KIAA0825: variants seen among roughly 807,000 people sequenced by gnomAD.
KIAA0825 encodes the protein KIAA0825.
In KIAA0825, 119 loss-of-function variants were observed where a neutral mutation model predicts 147.6. The ratio of observed to expected loss-of-function variants is 0.81; its 90% confidence interval spans 0.69 to 0.94. The LOEUF (loss-of-function observed/expected upper bound fraction) is 0.94, where lower values mean the gene tolerates loss of function less well. KIAA0825 is among the 40% of genes least tolerant of loss of function. The probability of loss-of-function intolerance (pLI) is 0.00; values close to 1 mark genes in which losing one functional copy is unlikely to be tolerated. For synonymous variants in KIAA0825, 470 were observed against 518.1 expected (o/e 0.91, Z 1.26); for missense variants, 1,381 against 1,472.7 (o/e 0.94, Z 1.02).
chr5:94,204,609 G>C (rs1771984403), intron 20 of KIAA0825, among the ~76,000 whole-genome samples: 1 of 152,158 alleles, frequency 6.6e-6, no homozygotes, highest in Non-Finnish European at 1.5e-5. Context: ...GTGCCACTGT[G>C]AGCATCTTGC....
chr5:94,165,043 C>G (rs1767909632), intron 20 of KIAA0825, among the ~76,000 whole-genome samples: 2 of 152,112 alleles, frequency 1.3e-5, no homozygotes, highest in South Asian at 4.1e-4. Context: ...TTCTGGACAG[C>G]AAAGGATACA....
intron 20 of KIAA0825, among the ~76,000 whole-genome samples, chr5:94,176,370 A>T (rs1240937222): frequency 6.6e-6 from 1 of 152,158 alleles, no homozygotes; most frequent in Non-Finnish European, 1.5e-5. Context: ...ACCTTCTAGC[A>T]AGAAGAATTA....
chr5:94,446,632 C>G (rs1411466216), intron 13 of KIAA0825, among the ~76,000 whole-genome samples: 1 of 152,166 alleles, frequency 6.6e-6, no homozygotes, highest in Non-Finnish European at 1.5e-5. Context: ...CACAGAGTAG[C>G]AGGTATCAGA....
At position 94,498,636 on chromosome 5, in the gene KIAA0825, G is replaced by T. The variant is rs147111205; in HGVS notation, c.971-13706C>A. ...TTTTCTGCATAAGAAGCAGAGATGAGAAATGGAAGAACAAAGATGTCACTT... is the reference window on the plus strand; with the variant it reads ...TTTTCTGCATAAGAAGCAGAGATGATAAATGGAAGAACAAAGATGTCACTT... On this transcript the variant is annotated intron_variant, in intron 5 of 20. Transcript: ENST00000682413. Among the ~76,000 whole-genome samples, 990 of 152,276 alleles carry T rather than the reference G, an allele frequency of 6.5e-3. 6 individuals are homozygous for T. Among genetic ancestry groups the T allele is most frequent in the Non-Finnish European group, 0.011 (762 of 68,012 alleles).
chr5:94,249,675 C>T (rs1211075150), intron 20 of KIAA0825, among the ~76,000 whole-genome samples: 1 of 151,994 alleles, frequency 6.6e-6, no homozygotes, highest in Non-Finnish European at 1.5e-5. Context: ...GAGGTCTCAG[C>T]TCAAATGCTT....
At chr5:94,163,013 TC>T (rs949560267) in intron 20 of KIAA0825, among the ~76,000 whole-genome samples, 1 of 152,172 alleles carries the variant, frequency 6.6e-6, no homozygotes, top group Non-Finnish European at 1.5e-5. Flanking sequence ...AGCATTAAAA[TC>T]AATTTACCCA....
At chr5:94,167,396 C>T (rs560541892) in intron 20 of KIAA0825, among the ~76,000 whole-genome samples, 1 of 152,204 alleles carries the variant, frequency 6.6e-6, no homozygotes, top group Admixed American at 6.5e-5. Flanking sequence ...TTGTTTTCCT[C>T]TGAACTTTGT....
chr5:94,407,848 C>T (rs1225918193), intron 15 of KIAA0825, among the ~76,000 whole-genome samples: 1 of 152,114 alleles, frequency 6.6e-6, no homozygotes, highest in African/African-American at 2.4e-5. Flanking sequence ...TAAATTATAT[C>T]TCAGTACATT....
chr5:94,550,624 C>T (rs955142916), intron 2 of KIAA0825, among the ~76,000 whole-genome samples: 4 of 152,132 alleles, frequency 2.6e-5, no homozygotes, highest in South Asian at 2.1e-4. Context: ...AGGCGGATCA[C>T]GAGGTCAGGA....
intron 13 of KIAA0825, among the ~76,000 whole-genome samples, chr5:94,452,722 TAC>T (rs1335208339): frequency 6.6e-6 from 1 of 152,208 alleles, no homozygotes; most frequent in Non-Finnish European, 1.5e-5. Flanking sequence ...TCCAAAAATT[TAC>T]AGTTTTCCAT....
At chr5:94,302,861 T>C (rs1169845016) in intron 20 of KIAA0825, among the ~76,000 whole-genome samples, 2 of 152,134 alleles carry the variant, frequency 1.3e-5, no homozygotes, top group Non-Finnish European at 2.9e-5. Flanking sequence ...AATTGTTGCC[T>C]TCTTCATTTA....
intron 20 of KIAA0825, among the ~76,000 whole-genome samples, chr5:94,276,450 A>G (rs930801609): frequency 5.3e-5 from 8 of 152,096 alleles, no homozygotes; most frequent in African/African-American, 1.7e-4. Context: ...TTAGCTATGC[A>G]AGACCATTCA....
intron 20 of KIAA0825, among the ~76,000 whole-genome samples, chr5:94,329,340 G>A (rs911750867): frequency 1.3e-5 from 2 of 152,026 alleles, no homozygotes; most frequent in South Asian, 2.1e-4. Context: ...CATAATTTAA[G>A]AAAACTTTCC....
Position 94,520,681 on chromosome 5 carries a change from A to G in KIAA0825, c.537T>C (p.His179=). Reference sequence around the variant, plus strand: ...TTTGCTGTGAATTGTTTATTTCATTATGGCTTTGTAATTTGCTCACTAAGA... The same window carrying G: ...TTTGCTGTGAATTGTTTATTTCATTGTGGCTTTGTAATTTGCTCACTAAGA... The part of the protein sequence containing the change: ...RRFLVSKLQS[H]NEINNSQQKI... Residue 179 remains histidine, a synonymous_variant, in exon 5 of 21, where the codon CAT becomes CAC. Transcript: ENST00000682413. The G allele has an allele frequency of 6.2e-7, 1 of 1,613,428 alleles. No individual in the cohort carries two copies. The highest frequency in any genetic ancestry group is 8.5e-7 in the Non-Finnish European group (1 of 1,179,504).
chr5:94,438,788 A>G (rs1756697856), intron 14 of KIAA0825, among the ~76,000 whole-genome samples: 2 of 152,204 alleles, frequency 1.3e-5, no homozygotes, highest in South Asian at 4.1e-4. Flanking sequence ...TACACAAGGA[A>G]AGGCTATGAA....
At chr5:94,478,302 A>T (rs1035106877) in intron 6 of KIAA0825, among the ~76,000 whole-genome samples, 3 of 152,204 alleles carry the variant, frequency 2.0e-5, no homozygotes, top group Non-Finnish European at 4.4e-5. Flanking sequence ...AAATTTTATC[A>T]GAGTTTACAT....
chr5:94,161,008 G>A (rs1189285213), intron 20 of KIAA0825, among the ~76,000 whole-genome samples: 1 of 152,112 alleles, frequency 6.6e-6, no homozygotes, highest in East Asian at 1.9e-4. Context: ...TCCAATTGTT[G>A]TTCACAAAGT....
chr5:94,493,515 T>A (rs1763968460), intron 5 of KIAA0825, among the ~76,000 whole-genome samples: 1 of 151,832 alleles, frequency 6.6e-6, no homozygotes, highest in Admixed American at 6.6e-5. Flanking sequence ...TGAGACGGAG[T>A]CTTCCTCTGT....
chr5:94,473,261 T>G, intron 8 of KIAA0825, 31 bp downstream of exon 8: 1 of 1,500,894 alleles, frequency 6.7e-7, no homozygotes, highest in African/African-American at 1.4e-5. Context: ...ATCATGCCAG[T>G]CAGCAGTTTG....
Sources: allele counts gnomAD v4.1 joint callset (sites outside exome capture counted in the v4.1 genomes callset), GRCh38; gene constraint gnomAD v4.1.1; transcripts MANE v1.5; gene names NCBI Gene and HGNC (gene_info 2026-07-23, HGNC 2026-07-21).